The following WDR4 variants were observed in gnomAD, a reference collection of about 807,000 sequenced individuals.
The protein encoded by WDR4 is tRNA (guanine-N(7)-)-methyltransferase non-catalytic subunit WDR4.
In WDR4, 47 loss-of-function variants were observed where a neutral mutation model predicts 48.6. The ratio of observed to expected loss-of-function variants is 0.97; its 90% confidence interval spans 0.77 to 1.23. The LOEUF (loss-of-function observed/expected upper bound fraction) is 1.23. WDR4 is among the 50% of genes most tolerant of loss of function. The pLI, the probability that WDR4 is intolerant of heterozygous loss-of-function variation, is 0.00. For synonymous variants in WDR4, 268 were observed against 230.0 expected (o/e 1.17, Z -1.49); for missense variants, 606 against 551.6 (o/e 1.10, Z -0.99).
chr21:42,858,907 A>G (rs546378301), intron 6 of WDR4, among the ~76,000 whole-genome samples: 7 of 152,336 alleles, frequency 4.6e-5, no homozygotes, highest in Admixed American at 2.6e-4. Context: ...AACACAGGGA[A>G]GGACAGCGAA....
At chr21:42,866,724 ACTC>A (rs1277196191) in intron 3 of WDR4, among the ~76,000 whole-genome samples, 2 of 150,308 alleles carry the variant, frequency 1.3e-5, no homozygotes, top group Admixed American at 6.6e-5. Context: ...CCCCAAACCT[ACTC>A]CTCCTGCCAC....
chr21:42,867,392 C>CAA lies in WDR4; in HGVS notation c.297-3797_297-3796insTT, dbSNP rs1569329587. Among the ~76,000 whole-genome samples the CAA allele has an allele frequency of 1.0e-3, 67 of 64,854 alleles. 11 individuals are homozygous for CAA. The highest frequency in any genetic ancestry group is 0.015 in the Middle Eastern group (2 of 136). The allele number at this position is 64,854 out of a possible 152,430, so 42.5% of individuals were successfully genotyped here. On this transcript the variant is annotated intron_variant, in intron 3 of 10. Coordinates refer to ENST00000398208, the MANE Select transcript of WDR4 (RefSeq NM_018669.6). The stretch of plus-strand genomic sequence containing the variant: ...GGTGACAAAGAGACACTCCGCTCCA[C>CAA]CAAAAAAAAAAAAAAAAAAAAGTGA...
chr21:42,855,023 GCTCACGC>G (rs1569317061), intron 7 of WDR4, among the ~76,000 whole-genome samples: 1 of 152,058 alleles, frequency 6.6e-6, no homozygotes, highest in East Asian at 1.9e-4. Flanking sequence ...GTGCACAGTG[GCTCACGC>G]CTTTAATCCC....
intron 5 of WDR4, 61 bp from the exon 6 acceptor site, chr21:42,859,783 C>T: frequency 2.0e-6 from 3 of 1,512,190 alleles, no homozygotes; most frequent in Non-Finnish European, 2.7e-6. Context: ...GACCGGGAGG[C>T]CTGGGGAGGC....
downstream of WDR4, among the ~76,000 whole-genome samples, chr21:42,847,735 T>C (rs912442637): frequency 5.9e-5 from 9 of 152,244 alleles, no homozygotes; most frequent in African/African-American, 2.2e-4. Flanking sequence ...AATATATTTT[T>C]AATTTGTTTT....
At chr21:42,879,553 C>G, upstream of WDR4, 1 of 1,590,648 alleles carries the variant, frequency 6.3e-7, no homozygotes, top group East Asian at 2.3e-5. Context: ...TTCCTGTCCG[C>G]ACCGGTCGGT....
intron 2 of WDR4, among the ~76,000 whole-genome samples, chr21:42,874,698 G>A (rs1012946858): frequency 2.0e-5 from 3 of 151,908 alleles, no homozygotes; most frequent in African/African-American, 7.3e-5. Flanking sequence ...GCGCTCCCAG[G>A]CTTACTAGGA....
At chr21:42,860,102 G>A (rs964499720) in intron 5 of WDR4, among the ~76,000 whole-genome samples, 5 of 152,166 alleles carry the variant, frequency 3.3e-5, no homozygotes, top group Admixed American at 2.6e-4. Context: ...CTGGCCCAAG[G>A]CACCTGCACT....
chr21:42,843,443 C>T (rs1163910359), intron 11 of WDR4, among the ~76,000 whole-genome samples: 2 of 116,368 alleles, frequency 1.7e-5, no homozygotes, highest in African/African-American at 6.7e-5. Context: ...GAGACCGTCA[C>T]TCTGTCACCC....
intron 2 of WDR4, among the ~76,000 whole-genome samples, chr21:42,875,259 A>G (rs1237551695): frequency 6.6e-6 from 1 of 152,136 alleles, no homozygotes; most frequent in African/African-American, 2.4e-5. Flanking sequence ...AAAAACTACA[A>G]AAATTAGGCA....
intron 3 of WDR4, among the ~76,000 whole-genome samples, chr21:42,867,326 G>A (rs2146071699): frequency 6.6e-6 from 1 of 151,646 alleles, no homozygotes; most frequent in South Asian, 2.1e-4. Flanking sequence ...AGGAGGTGGA[G>A]GTTGCAGTGA....
In WDR4 at chr21:42,859,686, G is replaced by A. The variant is rs538066488; in HGVS notation, c.603C>T (p.Pro201=). Residue 201 remains proline, a synonymous_variant, in exon 6 of 11, where the codon CCC becomes CCT. Coordinates refer to ENST00000398208, the MANE Select transcript of WDR4 (RefSeq NM_018669.6). ...CCCCAGAGGAGGACAGAAGCAGCCC[G>A]GGCTGAGTTGGCACCACGGAGATAC... The part of the protein sequence containing the change: ...VSRISVVPTQ[P]GLLLSSSGDG... 1.1e-5 allele frequency: 16 copies of A among 1,410,766 alleles called. No homozygotes were observed. The highest frequency in any genetic ancestry group is 2.4e-5 in the South Asian group (2 of 82,606). The allele number at this position is 1,410,766 out of a possible 1,614,324, so 87.4% of individuals were successfully genotyped here. A position where few individuals can be genotyped will look rare whatever the true frequency, so the allele number is the denominator to read the frequency against.
intron 3 of WDR4, among the ~76,000 whole-genome samples, chr21:42,866,422 G>A (rs1413101046): frequency 1.3e-5 from 2 of 152,216 alleles, no homozygotes; most frequent in African/African-American, 4.8e-5. Context: ...CAGCGGTGCA[G>A]GGCCTCAGTG....
upstream of WDR4, among the ~76,000 whole-genome samples, chr21:42,881,544 C>T (rs1305513508): frequency 6.6e-6 from 1 of 151,998 alleles, no homozygotes; most frequent in African/African-American, 2.4e-5. Context: ...TTTTCTCTGC[C>T]CATCTTACTG....
chr21:42,884,070 A>G (rs1374389820), upstream of WDR4, among the ~76,000 whole-genome samples: 1 of 152,240 alleles, frequency 6.6e-6, no homozygotes, highest in African/African-American at 2.4e-5. Flanking sequence ...TAGGTTTCCA[A>G]GGTTCATGGA....
rs118022852 is a variant in WDR4 at position 42,854,253 on chromosome 21, G to A, written c.791+309C>T. On this transcript the variant is annotated intron_variant, in intron 8 of 10. Coordinates refer to ENST00000398208, the MANE Select transcript of WDR4 (RefSeq NM_018669.6). ...GTTCCCATCCGACCAGCCCCGAGCC[G>A]GGAGTGAGGTGATGCCACCACGACT... Among the ~76,000 whole-genome samples, 29 of 152,328 alleles carry A rather than the reference G, an allele frequency of 1.9e-4. No individual in the cohort carries two copies. In the East Asian group the frequency reaches 4.6e-3, roughly 24 times the overall value.
intron 1 of WDR4, 194 bp downstream of exon 1, chr21:42,879,213 G>T: frequency 7.5e-7 from 1 of 1,326,664 alleles, no homozygotes; most frequent in Non-Finnish European, 9.6e-7. Flanking sequence ...GAGAGCGGAC[G>T]GCGAAAGCGG....
chr21:42,868,212 G>A (rs920793160), intron 3 of WDR4, among the ~76,000 whole-genome samples: 8 of 152,140 alleles, frequency 5.3e-5, no homozygotes, highest in South Asian at 4.1e-4. Context: ...CTGGGCCTCC[G>A]CGCTTCCATC....
At chr21:42,853,074 C>A (rs1231690155) in intron 9 of WDR4, among the ~76,000 whole-genome samples, 1 of 152,144 alleles carries the variant, frequency 6.6e-6, no homozygotes, top group Admixed American at 6.5e-5. Context: ...TTCGCCCCGT[C>A]CCCCAGCAAG....
Sources: gnomAD v4.1 joint callset for allele counts (sites outside exome capture counted in the v4.1 genomes callset) on GRCh38, gnomAD v4.1.1 for gene constraint, MANE v1.5 for transcripts, NCBI Gene and HGNC (gene_info 2026-07-23, HGNC 2026-07-21) for gene names.